The following ARL15 variants were observed in gnomAD, a reference collection of about 807,000 sequenced individuals.
ARL15 encodes the protein ARF like GTPase 15, also known as ADP-ribosylation factor-like protein 15.
Under a neutral mutation model 25.2 loss-of-function variants are expected in ARL15, and 19 were observed. That is an observed-to-expected ratio of 0.75 (90% CI 0.53 to 1.10). The LOEUF (loss-of-function observed/expected upper bound fraction) is 1.10. Among genes scored for constraint, ARL15 ranks in the 50% least tolerant of loss-of-function variants. The probability of loss-of-function intolerance (pLI) is 0.00; values close to 1 mark genes in which losing one functional copy is unlikely to be tolerated. For synonymous variants in ARL15, 94 were observed against 86.8 expected, an observed-to-expected ratio of 1.08 and a Z score of -0.46; for missense variants, 220 against 246.0, an observed-to-expected ratio of 0.89 and a Z score of 0.71.
At chr5:54,055,471 C>T (rs912748361) in intron 4 of ARL15, among the ~76,000 whole-genome samples, 2 of 148,062 alleles carry the variant, frequency 1.4e-5, no homozygotes, top group African/African-American at 5.0e-5. Context: ...AGCGATTCTC[C>T]TGCCTCAGCC....
In ARL15 at chr5:53,958,926, T is replaced by C. The variant is rs559647982; in HGVS notation, c.463-72213A>G. Among the ~76,000 whole-genome samples, 11 of 152,148 alleles carry C rather than the reference T, an allele frequency of 7.2e-5. No homozygotes were observed. The East Asian group carries it at 1.2e-3, about 16-fold the overall frequency. On this transcript the variant is annotated intron_variant, in intron 4 of 4. Coordinates refer to ENST00000504924, the MANE Select transcript of ARL15 (RefSeq NM_019087.3). ...GTATATGAAGCCAACATTTACAAAA[T>C]TGAAGGAAGAAATAGAAAATTCGAC...
At chr5:53,987,417 C>T (rs973430607) in intron 4 of ARL15, among the ~76,000 whole-genome samples, 9 of 151,702 alleles carry the variant, frequency 5.9e-5, no homozygotes, top group African/African-American at 1.7e-4. Context: ...CACATGCATG[C>T]GCACAGGCCC....
chr5:54,203,109 C>G (rs940974053), intron 1 of ARL15, among the ~76,000 whole-genome samples: 1 of 152,016 alleles, frequency 6.6e-6, no homozygotes, highest in Non-Finnish European at 1.5e-5. Context: ...ACAACTTGGC[C>G]TCATTTACTC....
intron 4 of ARL15, among the ~76,000 whole-genome samples, chr5:54,112,431 C>T (rs1254674331): frequency 1.3e-5 from 2 of 152,102 alleles, no homozygotes; most frequent in African/African-American, 2.4e-5. Flanking sequence ...CTTGAGGAAG[C>T]ATGCAATTTT....
Position 54,170,172 on chromosome 5 carries a change from C to T in ARL15, c.193+1612G>A, listed in dbSNP as rs565064545. Among the ~76,000 whole-genome samples, 7 of 152,238 alleles carry T rather than the reference C, an allele frequency of 4.6e-5. No homozygotes were observed. The South Asian group carries it at 1.5e-3, about 32-fold the overall frequency. On this transcript the variant is annotated intron_variant, in intron 2 of 4. Transcript: ENST00000504924. ...ACAGCCATGGCTTTCTCACTCTCAC[C>T]CTCCAAACCCAACTACACTAGGCTT...
At chr5:53,920,651 T>TAATG (rs1554026547) in intron 4 of ARL15, among the ~76,000 whole-genome samples, 1 of 141,160 alleles carries the variant, frequency 7.1e-6, no homozygotes, top group South Asian at 2.4e-4. Context: ...TATTAAAAAA[T>TAATG]AATAAATAAA....
intron 3 of ARL15, among the ~76,000 whole-genome samples, chr5:54,122,460 C>CT (rs1753110695): frequency 6.6e-6 from 1 of 152,240 alleles, no homozygotes; most frequent in Non-Finnish European, 1.5e-5. Flanking sequence ...ATACGCATAC[C>CT]TTTGAGAGAT....
chr5:54,125,197 C>G (rs1753210120), intron 3 of ARL15, among the ~76,000 whole-genome samples: 1 of 151,744 alleles, frequency 6.6e-6, no homozygotes, highest in Admixed American at 6.6e-5. Flanking sequence ...CCACACCCAG[C>G]TAATTTTTGT....
chr5:54,145,872 TG>T (rs1445021857), intron 3 of ARL15, among the ~76,000 whole-genome samples: 1 of 152,184 alleles, frequency 6.6e-6, no homozygotes, highest in African/African-American at 2.4e-5. Context: ...CTTAAGATTA[TG>T]GTTTGTTTTT....
chr5:54,199,054 C>G (rs994703009), intron 1 of ARL15, among the ~76,000 whole-genome samples: 8 of 151,624 alleles, frequency 5.3e-5, no homozygotes, highest in Non-Finnish European at 8.9e-5. Context: ...GGAAAGGATT[C>G]CCTATTTAAT....
chr5:53,931,867 C>A (rs2112053367), intron 4 of ARL15, among the ~76,000 whole-genome samples: 1 of 152,248 alleles, frequency 6.6e-6, no homozygotes, highest in Admixed American at 6.5e-5. Flanking sequence ...TTAAGTAAGC[C>A]TGTAGGCTAG....
intron 4 of ARL15, among the ~76,000 whole-genome samples, chr5:54,109,291 A>G (rs1269107135): frequency 6.6e-6 from 1 of 152,026 alleles, no homozygotes; most frequent in African/African-American, 2.4e-5. Flanking sequence ...AATAGAAAAT[A>G]TTCAACAAAT....
intron 1 of ARL15, chr5:54,286,064 A>G (rs1415212316): frequency 6.6e-6 from 1 of 152,188 alleles, no homozygotes; most frequent in African/African-American, 2.4e-5. Context: ...GCATTATTTC[A>G]CAACTCCCTT....
chr5:54,276,779 A>C (rs1757940113), intron 1 of ARL15, among the ~76,000 whole-genome samples: 1 of 152,252 alleles, frequency 6.6e-6, no homozygotes, highest in Non-Finnish European at 1.5e-5. Context: ...TCAGAGTCAT[A>C]GAGGAGATGT....
intron 3 of ARL15, among the ~76,000 whole-genome samples, chr5:54,140,423 G>GATAT (rs1400565903): frequency 8.5e-6 from 1 of 117,796 alleles, no homozygotes; most frequent in East Asian, 2.3e-4. Flanking sequence ...TAGACAGATA[G>GATAT]ATAGATAGAT....
intron 3 of ARL15, among the ~76,000 whole-genome samples, chr5:54,148,475 C>T (rs575713111): frequency 1.3e-5 from 2 of 152,292 alleles, no homozygotes; most frequent in South Asian, 4.2e-4. Flanking sequence ...TAAATGAACA[C>T]AACCTGCACT....
chr5:54,202,095 T>C (rs1262377543), intron 1 of ARL15, among the ~76,000 whole-genome samples: 20 of 152,198 alleles, frequency 1.3e-4, no homozygotes, highest in Non-Finnish European at 2.5e-4. Flanking sequence ...CCTGTCCCTT[T>C]AAGAAGTTTA....
At chr5:54,067,832 G>T (rs573682572) in intron 4 of ARL15, among the ~76,000 whole-genome samples, 1 of 152,282 alleles carries the variant, frequency 6.6e-6, no homozygotes, top group East Asian at 1.9e-4. Context: ...CTCTTGACAA[G>T]AAGTCATATT....
chr5:54,279,646 C>G (rs1040897201), intron 1 of ARL15, among the ~76,000 whole-genome samples: 1 of 152,202 alleles, frequency 6.6e-6, no homozygotes, highest in African/African-American at 2.4e-5. Flanking sequence ...TCATCACACT[C>G]TCTCCTTTTA....
Sources: allele counts gnomAD v4.1 joint callset (sites outside exome capture counted in the v4.1 genomes callset), GRCh38; gene constraint gnomAD v4.1.1; transcripts MANE v1.5; gene names NCBI Gene and HGNC (gene_info 2026-07-23, HGNC 2026-07-21).